The following HCN1 variants were observed in gnomAD, a reference collection of about 807,000 sequenced individuals.
HCN1 encodes the protein hyperpolarization activated cyclic nucleotide gated potassium channel 1, also known as potassium/sodium hyperpolarization-activated cyclic nucleotide-gated channel 1.
A neutral mutation model predicts 78.9 loss-of-function variants in HCN1; 13 were observed. That is an observed-to-expected ratio of 0.16 (90% CI 0.11 to 0.26). The LOEUF (loss-of-function observed/expected upper bound fraction) is 0.26, where lower values mean the gene tolerates loss of function less well. HCN1 is among the 10% of genes least tolerant of loss of function. HCN1 has a pLI of 1.00. For synonymous variants in HCN1, 552 were observed against 455.5 expected, an observed-to-expected ratio of 1.21 and a Z score of -2.70; for missense variants, 810 against 1,154.3, an observed-to-expected ratio of 0.70 and a Z score of 4.32.
intron 5 of HCN1, among the ~76,000 whole-genome samples, chr5:45,313,459 C>A (rs778235543): frequency 2.0e-5 from 3 of 152,172 alleles, no homozygotes; most frequent in African/African-American, 7.2e-5. Context: ...AATCAGAGCA[C>A]CTCTCCTCCT....
intron 5 of HCN1, among the ~76,000 whole-genome samples, chr5:45,342,901 A>G (rs1217856393): frequency 6.6e-6 from 1 of 152,194 alleles, no homozygotes; most frequent in Non-Finnish European, 1.5e-5. Flanking sequence ...GAGAAAACAA[A>G]TATGAAAAAA....
chr5:45,598,404 T>G (rs199777483), intron 2 of HCN1, among the ~76,000 whole-genome samples: 2 of 151,926 alleles, frequency 1.3e-5, no homozygotes, highest in Non-Finnish European at 2.9e-5. Context: ...ACACCTTATA[T>G]AAAAATTAAT....
chr5:45,528,681 TCCCCAAAAATTGTC>T (rs1742786601), intron 2 of HCN1, among the ~76,000 whole-genome samples: 2 of 151,800 alleles, frequency 1.3e-5, no homozygotes, highest in Admixed American at 1.3e-4. Flanking sequence ...CAGAAAGATA[TCCCCAAAAATTGTC>T]CCTTTCCAAA....
At chr5:45,683,274 GT>G (rs1284663049) in intron 1 of HCN1, among the ~76,000 whole-genome samples, 1 of 151,640 alleles carries the variant, frequency 6.6e-6, no homozygotes, top group Non-Finnish European at 1.5e-5. Flanking sequence ...TATGTTTTTA[GT>G]TTTTTTAGTC....
chr5:45,374,959 C>T (rs964954374), intron 4 of HCN1, among the ~76,000 whole-genome samples: 16 of 141,336 alleles, frequency 1.1e-4, no homozygotes, highest in Middle Eastern at 3.6e-3. Context: ...TATAGTTTGT[C>T]GACAGCAGTG....
intron 2 of HCN1, among the ~76,000 whole-genome samples, chr5:45,600,471 A>G (rs1744600481): frequency 6.6e-6 from 1 of 152,184 alleles, no homozygotes; most frequent in South Asian, 2.1e-4. Flanking sequence ...AGTTGCTGTA[A>G]GAACTTCAGA....
At chr5:45,305,069 T>C (rs2111907186) in intron 5 of HCN1, among the ~76,000 whole-genome samples, 1 of 152,286 alleles carries the variant, frequency 6.6e-6, no homozygotes, top group African/African-American at 2.4e-5. Context: ...GGACTGCATT[T>C]GTGATTTTGT....
At chr5:45,298,390 C>A (rs1745540895) in intron 6 of HCN1, among the ~76,000 whole-genome samples, 2 of 151,888 alleles carry the variant, frequency 1.3e-5, no homozygotes, top group Non-Finnish European at 2.9e-5. Flanking sequence ...AGAATCCAAG[C>A]CTCCTTGAAG....
intron 3 of HCN1, among the ~76,000 whole-genome samples, chr5:45,439,671 A>T (rs930908937): frequency 1.3e-5 from 2 of 152,106 alleles, no homozygotes; most frequent in Non-Finnish European, 2.9e-5. Context: ...GTTCAGAGAC[A>T]CTGAAGATTC....
intron 2 of HCN1, among the ~76,000 whole-genome samples, chr5:45,631,958 A>C (rs1745275696): frequency 6.6e-6 from 1 of 152,150 alleles, no homozygotes; most frequent in Admixed American, 6.6e-5. Context: ...TAGAAAGGAA[A>C]ATAATTAATC....
chr5:45,264,715 T>C (rs1579764735), intron 7 of HCN1, among the ~76,000 whole-genome samples: 1 of 152,354 alleles, frequency 6.6e-6, no homozygotes. Flanking sequence ...ATAATGTTTC[T>C]TTCTGATTAT....
intron 2 of HCN1, among the ~76,000 whole-genome samples, chr5:45,504,821 G>A (rs1342547686): frequency 6.6e-6 from 1 of 152,114 alleles, no homozygotes; most frequent in Non-Finnish European, 1.5e-5. Flanking sequence ...ATCTCATTGT[G>A]GTTTTGATTT....
At chr5:45,311,097 A>C (rs1190060840) in intron 5 of HCN1, among the ~76,000 whole-genome samples, 4 of 152,176 alleles carry the variant, frequency 2.6e-5, no homozygotes, top group African/African-American at 9.6e-5. Context: ...TCTGTACAAC[A>C]AACCCCCATT....
At chr5:45,284,065 A>G (rs964266982) in intron 6 of HCN1, among the ~76,000 whole-genome samples, 3 of 152,084 alleles carry the variant, frequency 2.0e-5, no homozygotes, top group Non-Finnish European at 1.5e-5. Flanking sequence ...ACGGCATGTT[A>G]TCACTTATAA....
At chr5:45,431,036 T>C (rs971908120) in intron 3 of HCN1, among the ~76,000 whole-genome samples, 4 of 152,190 alleles carry the variant, frequency 2.6e-5, no homozygotes, top group African/African-American at 4.8e-5. Context: ...CTTTCCACAA[T>C]GGTTGAACTA....
intron 4 of HCN1, among the ~76,000 whole-genome samples, chr5:45,372,643 AAAAATATATAAAACATTTATATAT>A (rs1747433146): frequency 1.3e-5 from 1 of 79,960 alleles, no homozygotes; most frequent in Admixed American, 1.3e-4. Flanking sequence ...CATTTTATAT[AAAAATATATAAAACATTTATATAT>A]AAAAATATAA....
intron 2 of HCN1, among the ~76,000 whole-genome samples, chr5:45,570,017 A>G (rs1743792266): frequency 6.6e-6 from 1 of 152,138 alleles, no homozygotes; most frequent in South Asian, 2.1e-4. Context: ...ACTGAAGTAA[A>G]AAATTTGTAG....
chr5:45,446,329 G>T (rs1262828338), intron 3 of HCN1, among the ~76,000 whole-genome samples: 1 of 152,174 alleles, frequency 6.6e-6, no homozygotes, highest in Non-Finnish European at 1.5e-5. Context: ...AAGAAGGGAA[G>T]TTTAGACATG....
intron 6 of HCN1, among the ~76,000 whole-genome samples, chr5:45,287,445 A>C (rs930922120): frequency 4.6e-5 from 7 of 152,070 alleles, no homozygotes; most frequent in Non-Finnish European, 7.4e-5. Context: ...AAAATGATAA[A>C]GATTATATAT....
Sources: allele counts gnomAD v4.1 joint callset (sites outside exome capture counted in the v4.1 genomes callset), GRCh38; gene constraint gnomAD v4.1.1; transcripts MANE v1.5; gene names NCBI Gene and HGNC (gene_info 2026-07-23, HGNC 2026-07-21).